IQCH: variants seen among roughly 807,000 people sequenced by gnomAD.
The protein encoded by IQCH is IQ motif containing H, also known as IQ domain-containing protein H.
Under a neutral mutation model 117.0 loss-of-function variants are expected in IQCH, and 98 were observed. That is an observed-to-expected ratio of 0.84 (90% CI 0.71 to 0.99). The LOEUF is 0.99. IQCH is among the 50% of genes least tolerant of loss of function. The pLI, the probability that IQCH is intolerant of heterozygous loss-of-function variation, is 0.00. For synonymous variants in IQCH, 412 were observed against 448.2 expected, an observed-to-expected ratio of 0.92 and a Z score of 1.02; for missense variants, 1,102 against 1,243.8, an observed-to-expected ratio of 0.89 and a Z score of 1.72.
At chr15:67,321,473 CCTTT>C (rs71455544) in intron 4 of IQCH, among the ~76,000 whole-genome samples, 31,790 of 149,840 alleles carry the variant, frequency 0.21, 3,769 homozygotes, top group East Asian at 0.49. Flanking sequence ...TTCCTTCCTT[CCTTT>C]CTTTCTTTCT....
intron 4 of IQCH, among the ~76,000 whole-genome samples, chr15:67,286,871 C>T (rs1452721503): frequency 6.6e-6 from 1 of 152,126 alleles, no homozygotes; most frequent in African/African-American, 2.4e-5. Context: ...CCTTGGCCTC[C>T]CAAAGTGCTG....
chr15:67,400,976 T>A (rs1971637530), intron 14 of IQCH, among the ~76,000 whole-genome samples: 1 of 152,164 alleles, frequency 6.6e-6, no homozygotes, highest in Non-Finnish European at 1.5e-5. Flanking sequence ...CTAGCTGTAT[T>A]TTATTATGAG....
chr15:67,485,068 G>A (rs2141073637), intron 18 of IQCH, among the ~76,000 whole-genome samples: 1 of 152,228 alleles, frequency 6.6e-6, no homozygotes, highest in South Asian at 2.1e-4. Flanking sequence ...AAGACAATGG[G>A]AACATAATTT....
chr15:67,452,852 T>C (rs1407996479), intron 16 of IQCH, among the ~76,000 whole-genome samples: 1 of 152,234 alleles, frequency 6.6e-6, no homozygotes, highest in Non-Finnish European at 1.5e-5. Context: ...CCCATCACTT[T>C]CAGGTACACC....
intron 6 of IQCH, among the ~76,000 whole-genome samples, chr15:67,350,675 C>T (rs1213195234): frequency 2.6e-5 from 4 of 152,154 alleles, no homozygotes; most frequent in Non-Finnish European, 4.4e-5. Context: ...ATCCACTCGC[C>T]TAGGCCTCCC....
Position 67,359,366 on chromosome 15 carries a change from T to G in IQCH, c.715-481T>G, listed in dbSNP as rs1429639694. ...ACAGTAATATTTAATGACTTTTTCCTGTGGTCCCAGATTGGTACAGCATTT... is the reference window on the plus strand; with the variant it reads ...ACAGTAATATTTAATGACTTTTTCCGGTGGTCCCAGATTGGTACAGCATTT... On this transcript the variant is annotated intron_variant, in intron 7 of 20. Transcript: ENST00000335894. The surrounding 1 kb of genome is among the most constrained non-coding windows in gnomAD (Gnocchi z 4.5). Among the ~76,000 whole-genome samples, 2 of 152,242 alleles carry G rather than the reference T, an allele frequency of 1.3e-5. No individual in the cohort carries two copies. Among genetic ancestry groups the G allele is most frequent in the Admixed American group, 1.3e-4 (2 of 15,282 alleles).
intron 15 of IQCH, among the ~76,000 whole-genome samples, chr15:67,418,999 C>G (rs1443301090): frequency 6.6e-6 from 1 of 151,996 alleles, no homozygotes; most frequent in African/African-American, 2.4e-5. Flanking sequence ...TCCCTCTAAA[C>G]TATTTCTTTT....
At chr15:67,312,533 T>G (rs185550382) in intron 4 of IQCH, among the ~76,000 whole-genome samples, 25 of 152,292 alleles carry the variant, frequency 1.6e-4, no homozygotes, top group African/African-American at 6.0e-4. Context: ...TAGTTGATGG[T>G]GCCAAAAATC....
chr15:67,327,215 A>G (rs1287653376), intron 4 of IQCH, among the ~76,000 whole-genome samples: 13 of 152,202 alleles, frequency 8.5e-5, no homozygotes, highest in Admixed American at 8.5e-4. Flanking sequence ...TCAGAGACAA[A>G]ATCAAGTAAA....
chr15:67,488,454 G>A (rs1002120028), intron 18 of IQCH, among the ~76,000 whole-genome samples: 2 of 152,208 alleles, frequency 1.3e-5, no homozygotes, highest in African/African-American at 4.8e-5. Context: ...TTTTCCACAA[G>A]GGGAACAGGA....
intron 18 of IQCH, among the ~76,000 whole-genome samples, chr15:67,488,514 A>G (rs982625620): frequency 2.6e-5 from 4 of 152,218 alleles, no homozygotes; most frequent in African/African-American, 9.6e-5. Context: ...TTGCTTGTCT[A>G]TCAGTTACCT....
intron 4 of IQCH, among the ~76,000 whole-genome samples, chr15:67,285,848 A>G (rs1461857714): frequency 6.6e-6 from 1 of 152,158 alleles, no homozygotes; most frequent in Non-Finnish European, 1.5e-5. Flanking sequence ...GCTTTGTAGT[A>G]TAATTTGAAA....
At chr15:67,351,251 C>A in intron 6 of IQCH, among the ~76,000 whole-genome samples, 1 of 152,006 alleles carries the variant, frequency 6.6e-6, no homozygotes, top group Non-Finnish European at 1.5e-5. Flanking sequence ...TCCCCCCACC[C>A]CCCAACAGTC....
rs2083177680 is a variant in IQCH at position 67,475,337 on chromosome 15, G to C, written c.2677-359G>C. On this transcript the variant is annotated intron_variant, in intron 17 of 20. Coordinates refer to ENST00000335894, the MANE Select transcript of IQCH (RefSeq NM_001031715.3). This position sits in a 1 kb window ranked among gnomAD's most constrained non-coding sequence, Gnocchi z 5.7. ...ACAAAAAAATAATAAAGTTAACCAG[G>C]TGTGGTGGCATGCACCTGTAGTCCC... Among the ~76,000 whole-genome samples the C allele has an allele frequency of 6.6e-6, 1 of 152,056 alleles. No homozygotes were observed. Among genetic ancestry groups the C allele is most frequent in the Admixed American group, 6.5e-5 (1 of 15,268 alleles).
In IQCH at chr15:67,453,434, C is replaced by T. The variant is rs1407461650; in HGVS notation, c.2506-11693C>T. 6.6e-6 allele frequency among the ~76,000 whole-genome samples: 1 copy of T among 151,314 alleles called. No individual in the cohort carries two copies. Among genetic ancestry groups the T allele is most frequent in the South Asian group, 2.1e-4 (1 of 4,778 alleles). Reference sequence around the variant, plus strand: ...GATGTCCTTTCTGTTTGTTAGTTTTCCTTCTAACAGACAGGAACCTCAGCT... The same window carrying T: ...GATGTCCTTTCTGTTTGTTAGTTTTTCTTCTAACAGACAGGAACCTCAGCT... On this transcript the variant is annotated intron_variant, in intron 16 of 20. Transcript: ENST00000335894. This position sits in a 1 kb window ranked among gnomAD's most constrained non-coding sequence, Gnocchi z 5.8.
At chr15:67,304,483 C>T (rs1967204807) in intron 4 of IQCH, 1 of 1,055,594 alleles carries the variant, frequency 9.5e-7, no homozygotes, top group Non-Finnish European at 1.4e-6. Flanking sequence ...TTAATGAGCT[C>T]TTATTTTTTT....
At chr15:67,415,998 G>A (rs1243031700) in intron 14 of IQCH, among the ~76,000 whole-genome samples, 1 of 152,190 alleles carries the variant, frequency 6.6e-6, no homozygotes, top group African/African-American at 2.4e-5. Flanking sequence ...AGGAGACTGA[G>A]GCTGCAGTGA....
At position 67,491,527 on chromosome 15, in the gene IQCH, T is replaced by A. The variant is rs60588850; in HGVS notation, c.2861+1463T>A. ...TTTGAGTCCTCCCCTCCAGTTTCAG[T>A]CTTCCCCCAAGATCCCATAAACATG... On this transcript the variant is annotated intron_variant, in intron 19 of 20. Coordinates refer to ENST00000335894, the MANE Select transcript of IQCH (RefSeq NM_001031715.3). The surrounding 1 kb of genome is among the most constrained non-coding windows in gnomAD (Gnocchi z 4.9). Among the ~76,000 whole-genome samples the A allele has an allele frequency of 9.1e-3, 1,384 of 152,200 alleles. 33 individuals are homozygous for A. Among genetic ancestry groups the A allele is most frequent in the African/African-American group, 0.032 (1,323 of 41,526 alleles).
intron 6 of IQCH, among the ~76,000 whole-genome samples, chr15:67,351,416 T>C (rs1969658825): frequency 6.6e-6 from 1 of 152,220 alleles, no homozygotes; most frequent in Non-Finnish European, 1.5e-5. Flanking sequence ...TCCAGTCTTC[T>C]GTTGATGGAC....
Sources: gnomAD v4.1 joint callset for allele counts (sites outside exome capture counted in the v4.1 genomes callset) on GRCh38, gnomAD v4.1.1 for gene constraint, Gnocchi (gnomAD v3.1) non-coding constraint, MANE v1.5 for transcripts, NCBI Gene and HGNC (gene_info 2026-07-23, HGNC 2026-07-21) for gene names.